Variants in NIF3L1 observed in about 807,000 individuals in gnomAD.
NIF3L1 encodes the protein NIF3-like protein 1.
A neutral mutation model predicts 35.0 loss-of-function variants in NIF3L1; 26 were observed. That is an observed-to-expected ratio of 0.74 (90% confidence interval 0.54 to 1.03). The LOEUF (loss-of-function observed/expected upper bound fraction) is 1.03, where lower values mean the gene tolerates loss of function less well. Among genes scored for constraint, NIF3L1 ranks in the 50% least tolerant of loss-of-function variants. The pLI is 0.00. For synonymous variants in NIF3L1, 157 were observed against 178.9 expected, an observed-to-expected ratio of 0.88 and a Z score of 0.98; for missense variants, 449 against 466.3, an observed-to-expected ratio of 0.96 and a Z score of 0.34.
chr2:200,895,469 T>C, intron 4 of NIF3L1, 79 bp downstream of exon 4: 1 of 1,422,598 alleles, frequency 7.0e-7, no homozygotes, highest in Non-Finnish European at 9.9e-7. Flanking sequence ...ATAATTGATA[T>C]ACTTAGGTAT....
rs775943124 is a variant in NIF3L1, at chr2:200,893,300, A to G, written c.491A>G (p.Glu164Gly). The G allele has an allele frequency of 6.2e-7, 1 of 1,607,274 alleles. No homozygotes were observed. Residue 164 changes from glutamate to glycine, a missense_variant, in exon 3 of 7, where the codon GAG becomes GGG. Physicochemically the swap from Glu to Gly is moderately conservative, Grantham distance 98. Coordinates refer to ENST00000409020, the MANE Select transcript of NIF3L1 (RefSeq NM_001369441.2). Reference protein sequence around the residue: ...HPSKAPNYPTEGNHRVEFNVN... With the variant: ...HPSKAPNYPTGGNHRVEFNVN... ...TCCAAAGCTCCCAACTACCCTACAG[A>G]GGGAAACCACCGAGTAGAATTCAAC...
At chr2:200,896,947 C>T in intron 4 of NIF3L1, 129 bp from the exon 5 acceptor site, 1 of 847,768 alleles carries the variant, frequency 1.2e-6, no homozygotes, top group South Asian at 1.8e-5. Flanking sequence ...ATGATTTTGT[C>T]AGGTTTGTAT....
chr2:200,899,094 G>T (rs1009087193), intron 5 of NIF3L1: 1 of 278,528 alleles, frequency 3.6e-6, no homozygotes, highest in Non-Finnish European at 6.9e-6. Context: ...AAGATTACAC[G>T]CAAATTTGTG....
intron 1 of NIF3L1, among the ~76,000 whole-genome samples, chr2:200,891,027 T>C (rs1227978038): frequency 6.6e-6 from 1 of 151,756 alleles, no homozygotes; most frequent in Admixed American, 6.6e-5. Context: ...GGCATGATCT[T>C]GGCTCACTGC....
intron 3 of NIF3L1, among the ~76,000 whole-genome samples, chr2:200,893,757 TC>T (rs972925550): frequency 1.3e-5 from 2 of 152,212 alleles, no homozygotes; most frequent in Admixed American, 1.3e-4. Flanking sequence ...TCCCAGCAAA[TC>T]AGTGATTCCC....
intron 6 of NIF3L1, among the ~76,000 whole-genome samples, chr2:200,902,592 A>C (rs1209283843): frequency 6.6e-6 from 1 of 152,020 alleles, no homozygotes; most frequent in Non-Finnish European, 1.5e-5. Flanking sequence ...ATATAAATTA[A>C]AAATTCAGAA....
chr2:200,893,030 T>G (rs543602670), intron 2 of NIF3L1, among the ~76,000 whole-genome samples: 1 of 152,304 alleles, frequency 6.6e-6, no homozygotes, highest in African/African-American at 2.4e-5. Flanking sequence ...TTTTGGAAAA[T>G]AATTCTGAAA....
chr2:200,901,201 T>C (rs1330048840), intron 6 of NIF3L1, among the ~76,000 whole-genome samples: 1 of 152,164 alleles, frequency 6.6e-6, no homozygotes, highest in Non-Finnish European at 1.5e-5. Flanking sequence ...TAAAAGCTTA[T>C]AGCATTTCTT....
intron 4 of NIF3L1, among the ~76,000 whole-genome samples, chr2:200,896,084 C>T (rs2040305545): frequency 6.6e-6 from 1 of 151,704 alleles, no homozygotes; most frequent in Non-Finnish European, 1.5e-5. Flanking sequence ...GGCCTCATAT[C>T]TATACAGTGT....
chr2:200,893,830 A>G (rs1430615558), intron 3 of NIF3L1, among the ~76,000 whole-genome samples: 3 of 151,984 alleles, frequency 2.0e-5, no homozygotes, highest in African/African-American at 7.3e-5. Flanking sequence ...CAGTCTTTTT[A>G]TTTAACATCA....
intron 5 of NIF3L1, among the ~76,000 whole-genome samples, chr2:200,897,550 GCTCAA>G (rs916496403): frequency 1.3e-5 from 2 of 152,068 alleles, no homozygotes; most frequent in Non-Finnish European, 1.5e-5. Context: ...GTTAATTTCT[GCTCAA>G]CTCATTTTCC....
At position 200,903,491 on chromosome 2, in the gene NIF3L1, T is replaced by A. The variant is rs200481065; in HGVS notation, c.950-3T>A. On this transcript the variant is annotated splice_polypyrimidine_tract_variant and splice_region_variant and intron_variant, in intron 6 of 6. Transcript: ENST00000409020. ...TAAGAATTTGCTCTTCCCTTTTTGG[T>A]AGGTGAGATGTCCCATCATGATACT... 7 of 1,609,296 alleles carry A rather than the reference T, an allele frequency of 4.3e-6. No individual in the cohort carries two copies. Among genetic ancestry groups the A allele is most frequent in the Non-Finnish European group, 6.0e-6 (7 of 1,176,036 alleles).
At position 200,899,432 on chromosome 2, in the gene NIF3L1, G is replaced by T; in HGVS notation, c.913G>T (p.Val305Phe). 6.2e-7 allele frequency: 1 copy of T among 1,614,096 alleles called. No homozygotes were observed. The highest frequency in any genetic ancestry group is 8.5e-7 in the Non-Finnish European group (1 of 1,179,986). Reference sequence around the variant, plus strand: ...CCTGTGTGCTGGTTCTGGGAGCAGCGTTCTGCAGGGTGTTGAGGCTGACCT... The same window carrying T: ...CCTGTGTGCTGGTTCTGGGAGCAGCTTTCTGCAGGGTGTTGAGGCTGACCT... The part of the protein sequence containing the change: ...VALCAGSGSS[V>F]LQGVEADLYL... Residue 305 changes from valine (V) to phenylalanine (F), a missense_variant, in exon 6 of 7, where the codon GTT becomes TTT. By Grantham distance (50) the Val-to-Phe change is conservative. Coordinates refer to ENST00000409020, the MANE Select transcript of NIF3L1 (RefSeq NM_001369441.2).
intron 5 of NIF3L1, among the ~76,000 whole-genome samples, chr2:200,898,760 C>T (rs16835473): frequency 0.043 from 6,540 of 152,226 alleles, 468 homozygotes; most frequent in African/African-American, 0.15. Flanking sequence ...ATTTCACTTT[C>T]CAGAGGATGC....
chr2:200,892,135 A>G lies in NIF3L1; in HGVS notation c.192A>G (p.Val64=). The G allele has an allele frequency of 6.2e-7, 1 of 1,614,186 alleles. No homozygotes were observed. The highest frequency in any genetic ancestry group is 1.1e-5 in the South Asian group (1 of 91,092). The stretch of plus-strand genomic sequence containing the variant: ...TGGAACCAAGCCCACCACATACTGT[A>G]AATACACTCTTCCTGACCAATGACC... ...LLVEPSPPHT[V]NTLFLTNDLT... The change falls in exon 2 of 7, where the codon GTA becomes GTG. Residue 64 remains valine, a synonymous_variant. Coordinates refer to ENST00000409020, the MANE Select transcript of NIF3L1 (RefSeq NM_001369441.2).
In NIF3L1 at chr2:200,892,280, G is replaced by C. The variant is rs374884190; in HGVS notation, c.337G>C (p.Val113Leu). The C allele has an allele frequency of 4.2e-5, 67 of 1,613,990 alleles. No individual in the cohort carries two copies. The highest frequency in any genetic ancestry group is 5.7e-5 in the Non-Finnish European group (67 of 1,180,036). Residue 113 changes from valine (V) to leucine (L), a missense_variant, in exon 2 of 7, where the codon GTG becomes CTG. Coordinates refer to ENST00000409020, the MANE Select transcript of NIF3L1 (RefSeq NM_001369441.2). The part of the protein sequence containing the change: ...ITWNTWKERL[V>L]IRALENRVGI... Reference sequence around the variant, plus strand: ...CTGGAACACATGGAAGGAGCGCCTGGTGATCCGGGCTCTGGAGAACAGAGT... The same window carrying C: ...CTGGAACACATGGAAGGAGCGCCTGCTGATCCGGGCTCTGGAGAACAGAGT...
intron 6 of NIF3L1, 68 bp downstream of exon 6, chr2:200,899,536 G>C: frequency 9.3e-7 from 1 of 1,076,882 alleles, no homozygotes; most frequent in Non-Finnish European, 1.4e-6. Context: ...TTTTAGGACA[G>C]TACCTGGCAC....
In NIF3L1 at chr2:200,892,264, A is replaced by G. The variant is rs756682835; in HGVS notation, c.321A>G (p.Thr107=). ...CCATGAAGCGCATAACCTGGAACACATGGAAGGAGCGCCTGGTGATCCGGG... is the reference window on the plus strand; with the variant it reads ...CCATGAAGCGCATAACCTGGAACACGTGGAAGGAGCGCCTGGTGATCCGGG... ...FRPMKRITWN[T]WKERLVIRAL... is the part of the protein sequence containing the mutation. The change falls in exon 2 of 7, where the codon ACA becomes ACG. Residue 107 remains threonine (T), a synonymous_variant. Coordinates refer to ENST00000409020, the MANE Select transcript of NIF3L1 (RefSeq NM_001369441.2). 18 of 1,614,136 alleles carry G rather than the reference A, an allele frequency of 1.1e-5. No individual in the cohort carries two copies. The Middle Eastern group carries it at 4.9e-4, about 44-fold the overall frequency.
chr2:200,899,014 A>T (rs1056675978), intron 5 of NIF3L1: 1 of 196,654 alleles, frequency 5.1e-6, no homozygotes, highest in Non-Finnish European at 1.1e-5. Flanking sequence ...GTCCAAAGGA[A>T]TAACGGTGCC....
Sources: gnomAD v4.1 joint callset for allele counts (sites outside exome capture counted in the v4.1 genomes callset) on GRCh38, gnomAD v4.1.1 for gene constraint, MANE v1.5 for transcripts, NCBI Gene and HGNC (gene_info 2026-07-23, HGNC 2026-07-21) for gene names.